The following CDH4 variants were observed in gnomAD, a reference collection of about 807,000 sequenced individuals.
CDH4 encodes the protein cadherin 4.
Under a neutral mutation model 86.0 loss-of-function variants are expected in CDH4, and 33 were observed. The observed-to-expected ratio is 0.38, with a 90% confidence interval of 0.29 to 0.51. The LOEUF (loss-of-function observed/expected upper bound fraction) is 0.51. Ranked by LOEUF, CDH4 falls within the 20% of genes least tolerant of loss-of-function variation. CDH4 has a pLI of 0.86. For synonymous variants in CDH4, 555 were observed against 549.4 expected (o/e 1.01, Z -0.14); for missense variants, 1,114 against 1,307.4 (o/e 0.85, Z 2.28).
At chr20:61,809,837 G>A (rs1980338220) in intron 4 of CDH4, among the ~76,000 whole-genome samples, 1 of 152,216 alleles carries the variant, frequency 6.6e-6, no homozygotes, top group African/African-American at 2.4e-5. Context: ...TGTCTAGAGT[G>A]AGGACGGTGA....
chr20:61,330,322 A>G (rs1316607239), intron 2 of CDH4, among the ~76,000 whole-genome samples: 1 of 152,184 alleles, frequency 6.6e-6, no homozygotes, highest in Non-Finnish European at 1.5e-5. Flanking sequence ...GGACTAATTT[A>G]CACGCCCACC....
At chr20:61,423,396 C>T (rs1318600777) in intron 2 of CDH4, among the ~76,000 whole-genome samples, 1 of 152,182 alleles carries the variant, frequency 6.6e-6, no homozygotes, top group Non-Finnish European at 1.5e-5. Flanking sequence ...ATTGCCAACC[C>T]TGACCCAGAC....
chr20:61,597,007 C>T (rs186840720), intron 2 of CDH4, among the ~76,000 whole-genome samples: 9 of 152,204 alleles, frequency 5.9e-5, no homozygotes, highest in African/African-American at 1.7e-4. Flanking sequence ...TTTATTAACG[C>T]GATTAGTAAC....
chr20:61,628,221 T>A (rs1257807000), intron 2 of CDH4, among the ~76,000 whole-genome samples: 1 of 152,152 alleles, frequency 6.6e-6, no homozygotes, highest in African/African-American at 2.4e-5. Context: ...GGCTGCTGCG[T>A]CGGCCTGAAA....
Position 61,516,046 on chromosome 20 carries a change from A to G in CDH4, c.170-227517A>G, listed in dbSNP as rs111555855. 0.022 allele frequency among the ~76,000 whole-genome samples: 3,405 copies of G among 151,998 alleles called. 47 individuals are homozygous for G. The highest frequency in any genetic ancestry group is 0.035 in the Non-Finnish European group (2,374 of 67,956). On this transcript the variant is annotated intron_variant, in intron 2 of 15. Transcript: ENST00000614565. This position sits in a 1 kb window ranked among gnomAD's most constrained non-coding sequence, Gnocchi z 4.0. ...CCCTGGGCTCTGGAACGCCCCCCCA[A>G]TACGATTCCACCGCAGGCAGGCAGC...
Position 61,590,880 on chromosome 20 carries a change from G to T in CDH4, c.170-152683G>T, listed in dbSNP as rs560819558. ...GCCTTGTCTTCCCTAAATCTATGGGGGGGGGGGTCCCCGGGTCTCCAGGCT... is the reference window on the plus strand; with the variant it reads ...GCCTTGTCTTCCCTAAATCTATGGGTGGGGGGGTCCCCGGGTCTCCAGGCT... On this transcript the variant is annotated intron_variant, in intron 2 of 15. Coordinates refer to ENST00000614565, the MANE Select transcript of CDH4 (RefSeq NM_001794.5). Among the ~76,000 whole-genome samples the T allele has an allele frequency of 4.1e-3, 569 of 139,740 alleles. 3 individuals carry two copies. The highest frequency in any genetic ancestry group is 7.1e-3 in the Non-Finnish European group (460 of 64,710). The allele number at this position is 139,740 out of a possible 152,430, so 91.7% of individuals were successfully genotyped here. A position where few individuals can be genotyped will look rare whatever the true frequency, so the allele number is the denominator to read the frequency against.
chr20:61,910,660 A>C (rs748828193), intron 9 of CDH4, 53 bp downstream of exon 9: 64 of 1,465,476 alleles, frequency 4.4e-5, no homozygotes, highest in Non-Finnish European at 5.8e-5. Flanking sequence ...CCACCTGCAC[A>C]CTCCCTAGGA....
chr20:61,764,673 A>G (rs745507726), intron 3 of CDH4, among the ~76,000 whole-genome samples: 1 of 152,192 alleles, frequency 6.6e-6, no homozygotes, highest in Non-Finnish European at 1.5e-5. Flanking sequence ...CCGCCCCATC[A>G]GTGGCAGTTT....
intron 2 of CDH4, among the ~76,000 whole-genome samples, chr20:61,338,413 G>A (rs2084631452): frequency 6.6e-6 from 1 of 152,168 alleles, no homozygotes; most frequent in South Asian, 2.1e-4. Flanking sequence ...ATTTGACCAG[G>A]AATGGAAGTG....
At chr20:61,716,251 C>T (rs1271985220) in intron 2 of CDH4, among the ~76,000 whole-genome samples, 11 of 143,228 alleles carry the variant, frequency 7.7e-5, no homozygotes, top group Admixed American at 6.7e-4. Flanking sequence ...TATAAAGGGA[C>T]AGATGCTCCT....
In CDH4 at chr20:61,458,311, AGTG is replaced by A. The variant is rs1166128936; in HGVS notation, c.169+203381_169+203383del. On this transcript the variant is annotated intron_variant, in intron 2 of 15. Transcript: ENST00000614565. ...TGATGGTGATGGTATGACTGACACT[AGTG>A]GTGGTGATGGTCATGGTCATGAGGG... 4.8e-5 allele frequency among the ~76,000 whole-genome samples: 7 copies of A among 147,168 alleles called. No individual in the cohort carries two copies. The South Asian group carries it at 6.6e-4, about 14-fold the overall frequency.
chr20:61,851,687 C>A (rs1015963954), intron 5 of CDH4, among the ~76,000 whole-genome samples: 2 of 152,224 alleles, frequency 1.3e-5, no homozygotes, highest in African/African-American at 4.8e-5. Flanking sequence ...GCCCTTTCCA[C>A]TCCCCGACAG....
At chr20:61,450,438 G>A (rs986888807) in intron 2 of CDH4, among the ~76,000 whole-genome samples, 2 of 152,186 alleles carry the variant, frequency 1.3e-5, no homozygotes, top group African/African-American at 4.8e-5. Context: ...AGTGGGGGCT[G>A]AGATGCTGTG....
chr20:61,883,747 G>A (rs191694909), intron 7 of CDH4, among the ~76,000 whole-genome samples: 50 of 152,220 alleles, frequency 3.3e-4, no homozygotes, highest in Middle Eastern at 3.4e-3. Context: ...AGCCCCCAGC[G>A]CCTGCTGGAC....
chr20:61,545,899 G>A (rs1302568197), intron 2 of CDH4, among the ~76,000 whole-genome samples: 4 of 117,290 alleles, frequency 3.4e-5, no homozygotes, highest in African/African-American at 6.4e-5. Context: ...GTGTTCGTAT[G>A]TGTGTGTGTG....
intron 2 of CDH4, among the ~76,000 whole-genome samples, chr20:61,521,533 A>C (rs139211460): frequency 0.016 from 2,362 of 152,304 alleles, 32 homozygotes; most frequent in Non-Finnish European, 0.024. Flanking sequence ...CTCACTCTCC[A>C]GGGGGCCGCC....
chr20:61,729,765 A>G (rs1162805125), intron 2 of CDH4, among the ~76,000 whole-genome samples: 1 of 152,236 alleles, frequency 6.6e-6, no homozygotes, highest in African/African-American at 2.4e-5. Flanking sequence ...TTTTCTCATC[A>G]GAGAGAGATG....
At chr20:61,419,131 G>C (rs1164584898) in intron 2 of CDH4, among the ~76,000 whole-genome samples, 1 of 152,318 alleles carries the variant, frequency 6.6e-6, no homozygotes, top group East Asian at 1.9e-4. Flanking sequence ...CATGGAGAAA[G>C]GCCTCGCAGG....
At chr20:61,305,327 G>A (rs964354418) in intron 2 of CDH4, among the ~76,000 whole-genome samples, 9 of 152,116 alleles carry the variant, frequency 5.9e-5, no homozygotes, top group East Asian at 3.9e-4. Context: ...CTTATGCAGC[G>A]ACCTTACAGT....
Sources: allele counts gnomAD v4.1 joint callset (sites outside exome capture counted in the v4.1 genomes callset), GRCh38; gene constraint gnomAD v4.1.1; non-coding constraint Gnocchi (gnomAD v3.1); transcripts MANE v1.5; gene names NCBI Gene and HGNC (gene_info 2026-07-23, HGNC 2026-07-21).